GPC4: variants seen among roughly 807,000 people sequenced by gnomAD.
GPC4 encodes the protein glypican-4.
A neutral mutation model predicts 35.0 loss-of-function variants in GPC4; 10 were observed. The ratio of observed to expected loss-of-function variants is 0.29; its 90% CI spans 0.18 to 0.48. The LOEUF is 0.48. GPC4 is among the 20% of genes least tolerant of loss of function. The pLI is 0.99. For synonymous variants in GPC4, 167 were observed against 170.2 expected (o/e 0.98, Z 0.15); for missense variants, 322 against 451.3 (o/e 0.71, Z 2.60).
intron 1 of GPC4, among the ~76,000 whole-genome samples, chrX:133,369,757 A>G (rs1448331009): frequency 3.6e-5 from 4 of 111,591 alleles, no homozygotes; most frequent in Non-Finnish European, 7.5e-5. Context: ...TGAGAATTGG[A>G]GTTTAAATAA....
intron 3 of GPC4, among the ~76,000 whole-genome samples, chrX:133,316,254 A>G (rs770420681): frequency 1.2e-4 from 14 of 112,068 alleles, no homozygotes; most frequent in African/African-American, 3.2e-4. Context: ...ATCACATAAC[A>G]TGAGTATTAT....
chrX:133,352,752 C>T (rs973018285), intron 1 of GPC4, among the ~76,000 whole-genome samples: 2 of 111,096 alleles, frequency 1.8e-5, no homozygotes, highest in Non-Finnish European at 3.8e-5. Context: ...TGCCTCTCCA[C>T]ACACTAGGAA....
chrX:133,381,764 C>T (rs1043073777), intron 1 of GPC4, among the ~76,000 whole-genome samples: 6 of 112,042 alleles, frequency 5.4e-5, no homozygotes, highest in African/African-American at 1.6e-4. Flanking sequence ...GTGCCCTAAC[C>T]CCAATTTTCC....
rs1489192878 is a variant in GPC4 at position 133,304,874 on chromosome X, C to T, written c.1156-13G>A. 2.5e-6 allele frequency: 3 copies of T among 1,201,411 alleles called. No homozygotes were observed. Among genetic ancestry groups the T allele is most frequent in the East Asian group, 3.0e-5 (1 of 33,619 alleles). On this transcript the variant is annotated splice_polypyrimidine_tract_variant and intron_variant, in intron 6 of 8. Transcript: ENST00000370828. Reference sequence around the variant, plus strand: ...TGACATCAGTAACCTAATTATGAAACAACAACAACAAAAAAAGATCATTGT... The same window carrying T: ...TGACATCAGTAACCTAATTATGAAATAACAACAACAAAAAAAGATCATTGT...
intron 2 of GPC4, among the ~76,000 whole-genome samples, chrX:133,336,216 A>G (rs1264159052): frequency 8.9e-6 from 1 of 111,922 alleles, no homozygotes; most frequent in Non-Finnish European, 1.9e-5. Context: ...AATTACTGGC[A>G]AGTCCTAATT....
At chrX:133,313,857 G>A (rs2068326392) in intron 3 of GPC4, among the ~76,000 whole-genome samples, 1 of 112,148 alleles carries the variant, frequency 8.9e-6, no homozygotes, top group African/African-American at 3.2e-5. Flanking sequence ...TTAGGCACTG[G>A]TTATTTCCTA....
chrX:133,336,774 T>C (rs2068445998), intron 2 of GPC4, among the ~76,000 whole-genome samples: 1 of 110,904 alleles, frequency 9.0e-6, no homozygotes, highest in Non-Finnish European at 1.9e-5. Flanking sequence ...GTATCTATGT[T>C]CCCTAACTTT....
In GPC4 at chrX:133,304,880, C is replaced by T. The variant is rs1262406862; in HGVS notation, c.1156-19G>A. On this transcript the variant is annotated intron_variant, in intron 6 of 8. Transcript: ENST00000370828. The stretch of plus-strand genomic sequence containing the variant: ...CAGTAACCTAATTATGAAACAACAA[C>T]AACAAAAAAAGATCATTGTAAGACA... 1.7e-6 allele frequency: 2 copies of T among 1,204,445 alleles called. No individual in the cohort carries two copies. Among genetic ancestry groups the T allele is most frequent in the African/African-American group, 3.5e-5 (2 of 57,431 alleles).
intron 3 of GPC4, among the ~76,000 whole-genome samples, chrX:133,321,759 G>A (rs1156953899): frequency 8.9e-6 from 1 of 111,948 alleles, no homozygotes; most frequent in Non-Finnish European, 1.9e-5. Flanking sequence ...GGGGTTGGCA[G>A]AAGTTCAAGA....
At chrX:133,345,502 C>T (rs1223553855) in intron 1 of GPC4, among the ~76,000 whole-genome samples, 1 of 112,084 alleles carries the variant, frequency 8.9e-6, no homozygotes, top group Non-Finnish European at 1.9e-5. Flanking sequence ...AAAGGTTTCC[C>T]CGTACACAGT....
chrX:133,325,468 C>T (rs2068388094), intron 2 of GPC4, among the ~76,000 whole-genome samples: 1 of 111,641 alleles, frequency 9.0e-6, no homozygotes, highest in Admixed American at 9.5e-5. Context: ...AATCTCTTAA[C>T]TACAAATGGC....
At chrX:133,365,436 A>T (rs1373374789) in intron 1 of GPC4, among the ~76,000 whole-genome samples, 1 of 111,897 alleles carries the variant, frequency 8.9e-6, no homozygotes, top group Non-Finnish European at 1.9e-5. Flanking sequence ...CAGGGAGCTC[A>T]GAGTCTAATG....
rs1468816425 is a variant in GPC4 at position 133,415,053 on chromosome X, G to A, written c.-88C>T. 30 of 957,941 alleles carry A rather than the reference G, an allele frequency of 3.1e-5. No homozygotes were observed. Among genetic ancestry groups the A allele is most frequent in the Non-Finnish European group, 4.3e-5 (30 of 695,495 alleles). The allele number at this position is 957,941 out of a possible 1,213,427, so 78.9% of individuals were successfully genotyped here. On this transcript the variant is annotated 5_prime_UTR_variant, in exon 1 of 9. Transcript: ENST00000370828. Reference sequence around the variant, plus strand: ...GCGGGCCGAGGGCTGGCGGAGTCGGGGACTAGCGAGTGGAGCTGGAGGGAG... The same window carrying A: ...GCGGGCCGAGGGCTGGCGGAGTCGGAGACTAGCGAGTGGAGCTGGAGGGAG...
At chrX:133,363,701 C>T (rs2068578477) in intron 1 of GPC4, among the ~76,000 whole-genome samples, 1 of 111,199 alleles carries the variant, frequency 9.0e-6, no homozygotes, top group African/African-American at 3.3e-5. Context: ...GTACAATACA[C>T]TCATTTAAAG....
At chrX:133,336,635 C>T (rs985845376) in intron 2 of GPC4, among the ~76,000 whole-genome samples, 10 of 110,787 alleles carry the variant, frequency 9.0e-5, no homozygotes, top group Admixed American at 5.8e-4. Flanking sequence ...ATAAAATTAT[C>T]TCATTGTTTC....
At chrX:133,414,695 T>C (rs2068830050) in intron 1 of GPC4, 111 bp downstream of exon 1, 2 of 1,161,291 alleles carry the variant, frequency 1.7e-6, no homozygotes, top group Non-Finnish European at 2.3e-6. Context: ...CATTTCTCCC[T>C]CTAGTGTACC....
intron 2 of GPC4, among the ~76,000 whole-genome samples, chrX:133,330,848 T>C (rs1184846749): frequency 9.0e-6 from 1 of 110,721 alleles, no homozygotes; most frequent in Non-Finnish European, 1.9e-5. Flanking sequence ...GAGGCTGAGA[T>C]GGGAGAATCG....
At chrX:133,402,923 AAAAAG>A (rs1243159339) in intron 1 of GPC4, among the ~76,000 whole-genome samples, 9 of 108,446 alleles carry the variant, frequency 8.3e-5, no homozygotes, top group African/African-American at 1.3e-4. Flanking sequence ...AAAAAAAAAA[AAAAAG>A]AAAGAAAGAA....
At chrX:133,358,321 A>G (rs2068551251) in intron 1 of GPC4, among the ~76,000 whole-genome samples, 1 of 112,394 alleles carries the variant, frequency 8.9e-6, no homozygotes, top group African/African-American at 3.2e-5. Context: ...GATAAATATG[A>G]TTCATTTGCA....
Sources: gnomAD v4.1 joint callset for allele counts (sites outside exome capture counted in the v4.1 genomes callset) on GRCh38, gnomAD v4.1.1 for gene constraint, MANE v1.5 for transcripts, NCBI Gene and HGNC (gene_info 2026-07-23, HGNC 2026-07-21) for gene names.